Variants in SNRNP200 observed in about 807,000 individuals in gnomAD.
SNRNP200 encodes the protein small nuclear ribonucleoprotein U5 subunit 200, also known as U5 small nuclear ribonucleoprotein 200 kDa helicase.
A neutral mutation model predicts 255.2 loss-of-function variants in SNRNP200; 66 were observed. The observed-to-expected ratio is 0.26, with a 90% CI of 0.21 to 0.32. The LOEUF (loss-of-function observed/expected upper bound fraction) is 0.32, where lower values mean the gene tolerates loss of function less well. SNRNP200 is among the 10% of genes least tolerant of loss of function. The pLI, the probability that SNRNP200 is intolerant of heterozygous loss-of-function variation, is 1.00. For synonymous variants in SNRNP200, 939 were observed against 1,027.8 expected (o/e 0.91, Z 1.65); for missense variants, 1,585 against 2,749.8 (o/e 0.58, Z 9.47).
chr2:96,283,312 C>T lies in SNRNP200; in HGVS notation c.4804G>A (p.Glu1602Lys). The T allele has an allele frequency of 6.2e-7, 1 of 1,614,126 alleles. No homozygotes were observed. The highest frequency in any genetic ancestry group is 8.5e-7 in the Non-Finnish European group (1 of 1,180,032). ...TTGAGCGTGCTGTCACTTAGCTTCT[C>T]CAGGTACGGAATCAGATCCTTCTCG... ...CTEKDLIPYL[E>K]KLSDSTLKET... Residue 1602 changes from glutamate (E) to lysine (K), a missense_variant, in exon 34 of 45, where the codon GAG (glutamate) becomes AAG (lysine). Transcript: ENST00000323853. The surrounding 1 kb of genome is among the most constrained non-coding windows in gnomAD (Gnocchi z 4.7).
In SNRNP200 at chr2:96,287,186, C is replaced by T; in HGVS notation, c.3485-26G>A. The T allele has an allele frequency of 6.2e-7, 1 of 1,614,122 alleles. No individual in the cohort carries two copies. Among genetic ancestry groups the T allele is most frequent in the Non-Finnish European group, 8.5e-7 (1 of 1,179,996 alleles). The stretch of plus-strand genomic sequence containing the variant: ...CTACAAGGAAATGAGAGTACTGAGG[C>T]TGCAGCCCAGCCTGCCTACTATACT... On this transcript the variant is annotated intron_variant, in intron 26 of 44. Transcript: ENST00000323853. The surrounding 1 kb of genome is among the most constrained non-coding windows in gnomAD (Gnocchi z 5.7).
chr2:96,296,847 G>A (rs2104356985), intron 12 of SNRNP200, 86 bp downstream of exon 12: 1 of 1,571,886 alleles, frequency 6.4e-7, no homozygotes, highest in Non-Finnish European at 8.8e-7. Flanking sequence ...AAGAATTAGG[G>A]GGTGGGGGTG....
At position 96,290,909 on chromosome 2, in the gene SNRNP200, C is replaced by G; in HGVS notation, c.2422-94G>C. The stretch of plus-strand genomic sequence containing the variant: ...CTAGGCAGTTGGCCTCAGAGCTTCT[C>G]TCAGGACTAGCCGGTAGGGCGCGTG... On this transcript the variant is annotated intron_variant, in intron 18 of 44. Coordinates refer to ENST00000323853, the MANE Select transcript of SNRNP200 (RefSeq NM_014014.5). The surrounding 1 kb of genome is among the most constrained non-coding windows in gnomAD (Gnocchi z 4.5). The G allele has an allele frequency of 6.5e-7, 1 of 1,530,100 alleles. No individual in the cohort carries two copies. The highest frequency in any genetic ancestry group is 9.0e-7 in the Non-Finnish European group (1 of 1,111,068). 94.8% of individuals were successfully genotyped at this position (1,530,100 alleles called of 1,614,324 possible). A position where few individuals can be genotyped will look rare whatever the true frequency, so the allele number is the denominator to read the frequency against.
At chr2:96,284,165 C>A (rs2063826250) in intron 31 of SNRNP200, 161 bp from the exon 32 acceptor site, 1 of 859,508 alleles carries the variant, frequency 1.2e-6, no homozygotes, top group Admixed American at 2.0e-5. Flanking sequence ...CGGCAGCCAA[C>A]CTCCACTAAA....
chr2:96,289,942 G>A lies in SNRNP200; in HGVS notation c.2797C>T (p.Pro933Ser). ...TCATGAGAGATGCCATAGAGGGTTGGGGATCGCAGCATTCGGATATAGAGG... is the reference window on the plus strand; with the variant it reads ...TCATGAGAGATGCCATAGAGGGTTGAGGATCGCAGCATTCGGATATAGAGG... ...AYLYIRMLRSPTLYGISHDDL... is the reference protein window; with the variant it reads ...AYLYIRMLRSSTLYGISHDDL... Residue 933 changes from proline to serine, a missense_variant, in exon 21 of 45, where the codon CCA becomes TCA. Pro to Ser is a moderately conservative substitution (Grantham distance 74). This residue lies in a region of SNRNP200 where 719 missense variants were observed against 1,091.1 expected (regional missense o/e 0.66). Coordinates refer to ENST00000323853, the MANE Select transcript of SNRNP200 (RefSeq NM_014014.5). 6.2e-7 allele frequency: 1 copy of A among 1,614,110 alleles called. No homozygotes were observed. Among genetic ancestry groups the A allele is most frequent in the Non-Finnish European group, 8.5e-7 (1 of 1,180,024 alleles).
At chr2:96,296,463 G>A (rs1489604302) in intron 13 of SNRNP200, 73 bp downstream of exon 13, 9 of 1,479,336 alleles carry the variant, frequency 6.1e-6, no homozygotes, top group Non-Finnish European at 7.5e-6. Flanking sequence ...AAGAAGCGGT[G>A]AGGTCCAGGC....
intron 44 of SNRNP200, 25 bp downstream of exon 44, chr2:96,275,232 T>C (rs755733274): frequency 6.2e-7 from 1 of 1,614,016 alleles, no homozygotes; most frequent in South Asian, 1.1e-5. Flanking sequence ...CCAGAACAAA[T>C]GCTAGGGCCA....
chr2:96,300,859 A>G (rs2063948192), intron 5 of SNRNP200, 139 bp downstream of exon 5: 2 of 725,536 alleles, frequency 2.8e-6, no homozygotes, highest in Non-Finnish European at 2.5e-6. Flanking sequence ...AAAAGAACAT[A>G]TAATGCCCAA....
At position 96,279,017 on chromosome 2, in the gene SNRNP200, G is replaced by GA. The variant is rs760886298; in HGVS notation, c.5134-20dup. On this transcript the variant is annotated intron_variant, in intron 36 of 44. Coordinates refer to ENST00000323853, the MANE Select transcript of SNRNP200 (RefSeq NM_014014.5). ...AGAAATCCTGTGGGTTGGAGAGGGA[G>GA]AAGGAGTAATAAAGAATTAGTGACA... 2 of 1,599,828 alleles carry GA rather than the reference G, an allele frequency of 1.3e-6. No homozygotes were observed. The highest frequency in any genetic ancestry group is 8.6e-7 in the Non-Finnish European group (1 of 1,167,070).
rs2063876860 is a variant in SNRNP200 at position 96,290,367 on chromosome 2, G to A, written c.2701C>T (p.Leu901Phe). The part of the protein sequence containing the change: ...SQMVSKLPDM[L>F]NAEIVLGNVQ... Reference sequence around the variant, plus strand: ...TTTCCTAGCACGATTTCTGCATTGAGCATGTCAGGAAGCTTTGAAACCATC... The same window carrying A: ...TTTCCTAGCACGATTTCTGCATTGAACATGTCAGGAAGCTTTGAAACCATC... Residue 901 changes from leucine (L) to phenylalanine (F), a missense_variant, in exon 20 of 45, where the codon CTC becomes TTC. Physicochemically the swap from Leu to Phe is conservative, Grantham distance 22. This residue lies in a region of SNRNP200 where 719 missense variants were observed against 1,091.1 expected (regional missense o/e 0.66). Coordinates refer to ENST00000323853, the MANE Select transcript of SNRNP200 (RefSeq NM_014014.5). This position sits in a 1 kb window ranked among gnomAD's most constrained non-coding sequence, Gnocchi z 4.5. The A allele has an allele frequency of 1.2e-6, 2 of 1,614,176 alleles. No homozygotes were observed. Among genetic ancestry groups the A allele is most frequent in the East Asian group, 2.2e-5 (1 of 44,878 alleles).
At chr2:96,299,836 T>C (rs575829763) in intron 5 of SNRNP200, among the ~76,000 whole-genome samples, 1 of 152,338 alleles carries the variant, frequency 6.6e-6, no homozygotes, top group East Asian at 1.9e-4. Context: ...ACACTGCACA[T>C]TAGGCGTACC....
Position 96,285,280 on chromosome 2 carries a change from C to G in SNRNP200, c.4064G>C (p.Gly1355Ala). 1 of 1,614,134 alleles carries G rather than the reference C, an allele frequency of 6.2e-7. No individual in the cohort carries two copies. Among genetic ancestry groups the G allele is most frequent in the South Asian group, 1.1e-5 (1 of 91,090 alleles). ...GGCAAACTCTGCACAAATAGTCTTC[C>G]CGCTGCCCGTGGGGGCCCCCACAAA... ...NVFVGAPTGS[G>A]KTICAEFAIL... is the part of the protein sequence containing the mutation. The change falls in exon 30 of 45, where the codon GGG (glycine) becomes GCG (alanine). Residue 1355 changes from glycine (G) to alanine (A), a missense_variant. Around this residue, in one of 9 missense-constraint regions of SNRNP200, gnomAD observed 719 missense variants for 1,091.1 expected, o/e 0.66. Transcript: ENST00000323853.
chr2:96,287,362 AG>A lies in SNRNP200; in HGVS notation c.3484+76del. The A allele has an allele frequency of 7.4e-6, 9 of 1,214,628 alleles. No homozygotes were observed. The South Asian group carries it at 9.7e-5, about 13-fold the overall frequency. The allele number at this position is 1,214,628 out of a possible 1,614,324, so 75.2% of individuals were successfully genotyped here. The stretch of plus-strand genomic sequence containing the variant: ...ACACAGGATACTAATGCACAGGCCT[AG>A]GAACAGGAAGACTACATAGGCAAAC... On this transcript the variant is annotated intron_variant, in intron 26 of 44. Coordinates refer to ENST00000323853, the MANE Select transcript of SNRNP200 (RefSeq NM_014014.5). This position sits in a 1 kb window ranked among gnomAD's most constrained non-coding sequence, Gnocchi z 5.7.
chr2:96,279,339 A>G (rs1398665373), intron 36 of SNRNP200, 112 bp downstream of exon 36: 3 of 793,382 alleles, frequency 3.8e-6, no homozygotes, highest in Non-Finnish European at 6.5e-6. Context: ...TGTGTAAATA[A>G]GAGAGGCAGA....
In SNRNP200 at chr2:96,278,221, AGTCTGCTG is replaced by A; in HGVS notation, c.5610+8_5610+15del. The A allele has an allele frequency of 1.2e-6, 2 of 1,614,140 alleles. No homozygotes were observed. The highest frequency in any genetic ancestry group is 1.7e-6 in the Non-Finnish European group (2 of 1,180,024). On this transcript the variant is annotated splice_region_variant and intron_variant, in intron 39 of 44. Transcript: ENST00000323853. The surrounding 1 kb of genome is among the most constrained non-coding windows in gnomAD (Gnocchi z 6.9). The stretch of plus-strand genomic sequence containing the variant: ...TGTTGTTCCCAGGATGCTCTCCTGA[AGTCTGCTG>A]TCCTCACCTGCCTCAGGAGATTGTC...
Position 96,283,321 on chromosome 2 carries a change from GAA to G in SNRNP200, c.4793_4794del (p.Ile1598ThrfsTer8). 6.2e-7 allele frequency: 1 copy of G among 1,614,138 alleles called. No homozygotes were observed. The highest frequency in any genetic ancestry group is 8.5e-7 in the Non-Finnish European group (1 of 1,180,034). On this transcript the variant is annotated frameshift_variant, in exon 34 of 45. Transcript: ENST00000323853. LOFTEE classifies it high-confidence loss of function. This position sits in a 1 kb window ranked among gnomAD's most constrained non-coding sequence, Gnocchi z 4.7. ...RFLHCTEKDL[I>X]PYLEKLSDST... The stretch of plus-strand genomic sequence containing the variant: ...CTGTCACTTAGCTTCTCCAGGTACG[GAA>G]TCAGATCCTTCTCGGTGCAGTGCAA...
Position 96,287,295 on chromosome 2 carries a change from G to C in SNRNP200, c.3485-135C>G. 1 of 1,268,712 alleles carries C rather than the reference G, an allele frequency of 7.9e-7. No homozygotes were observed. Among genetic ancestry groups the C allele is most frequent in the South Asian group, 1.2e-5 (1 of 83,288 alleles). 78.6% of individuals were successfully genotyped at this position (1,268,712 alleles called of 1,614,324 possible). On this transcript the variant is annotated intron_variant, in intron 26 of 44. Transcript: ENST00000323853. This position sits in a 1 kb window ranked among gnomAD's most constrained non-coding sequence, Gnocchi z 5.7. ...TGGAGCCCAGGATTCCAAGTCCCCA[G>C]ACCAAGGGCCAGCCTGTACTTCAGT...
intron 5 of SNRNP200, among the ~76,000 whole-genome samples, chr2:96,300,014 A>G (rs1047473747): frequency 2.0e-5 from 3 of 152,206 alleles, no homozygotes; most frequent in Non-Finnish European, 4.4e-5. Context: ...ATTTTATAGA[A>G]GGAGAAACTG....
chr2:96,286,653 A>G lies in SNRNP200; in HGVS notation c.3829+35T>C. The G allele has an allele frequency of 1.2e-6, 2 of 1,609,978 alleles. No individual in the cohort carries two copies. The highest frequency in any genetic ancestry group is 1.1e-5 in the South Asian group (1 of 90,940). Reference sequence around the variant, plus strand: ...ACATTCTTCTACTGTCCTTGGAGGGACTGTTCCTGGGGACTCTGGAGAGGA... The same window carrying G: ...ACATTCTTCTACTGTCCTTGGAGGGGCTGTTCCTGGGGACTCTGGAGAGGA... On this transcript the variant is annotated intron_variant, in intron 28 of 44. Transcript: ENST00000323853. This position sits in a 1 kb window ranked among gnomAD's most constrained non-coding sequence, Gnocchi z 4.8.
Sources: gnomAD v4.1 joint callset for allele counts (sites outside exome capture counted in the v4.1 genomes callset) on GRCh38, gnomAD v4.1.1 for gene constraint, gnomAD v4.1.1 regional missense constraint, Gnocchi (gnomAD v3.1) non-coding constraint, MANE v1.5 for transcripts, NCBI Gene and HGNC (gene_info 2026-07-23, HGNC 2026-07-21) for gene names.